DBT: variants seen among roughly 807,000 people sequenced by gnomAD.
The protein encoded by DBT is dihydrolipoamide branched chain transacylase E2, also known as lipoamide acyltransferase component of branched-chain alpha-keto acid dehydrogenase complex, mitochondrial.
DBT carries 40 observed loss-of-function variants against 51.3 expected under a neutral mutation model. The ratio of observed to expected loss-of-function variants is 0.78; its 90% confidence interval spans 0.61 to 1.02. DBT has a LOEUF of 1.02. Ranked by LOEUF, DBT falls within the 50% of genes least tolerant of loss-of-function variation. The probability of loss-of-function intolerance (pLI) is 0.00; values close to 1 mark genes in which losing one functional copy is unlikely to be tolerated. For synonymous variants in DBT, 181 were observed against 190.4 expected (o/e 0.95, Z 0.41); for missense variants, 510 against 580.2 (o/e 0.88, Z 1.24).
At chr1:100,241,886 T>A (rs555965737) in intron 1 of DBT, among the ~76,000 whole-genome samples, 4 of 152,020 alleles carry the variant, frequency 2.6e-5, no homozygotes, top group Non-Finnish European at 5.9e-5. Context: ...CTGGGCTTGG[T>A]GGCATGCGCC....
intron 10 of DBT, among the ~76,000 whole-genome samples, chr1:100,202,366 TA>T (rs1481877949): frequency 4.6e-5 from 7 of 152,240 alleles, no homozygotes; most frequent in Non-Finnish European, 1.0e-4. Context: ...CTAACTATCC[TA>T]AATATATATG....
chr1:100,245,985 C>T (rs893244800), intron 1 of DBT, among the ~76,000 whole-genome samples: 2 of 151,762 alleles, frequency 1.3e-5, no homozygotes, highest in Non-Finnish European at 2.9e-5. Context: ...AAAATTAGGC[C>T]AGGTGCAGTG....
In DBT at chr1:100,210,763, G is replaced by A; in HGVS notation, c.948C>T (p.Ser316=). The part of the protein sequence containing the change: ...SFMPFFLKAA[S]LGLLQFPILN... ...GGATAGGAAACTGTAGTAATCCCAA[G>A]GAAGCAGCCTGTTTAACAGAAAAAG... is the stretch of plus-strand genomic sequence containing the variant. The change falls in exon 8 of 11, where the codon TCC becomes TCT. Residue 316 remains serine, a synonymous_variant. Coordinates refer to ENST00000370132, the MANE Select transcript of DBT (RefSeq NM_001918.5). The A allele has an allele frequency of 6.2e-7, 1 of 1,613,620 alleles. No individual in the cohort carries two copies. The highest frequency in any genetic ancestry group is 1.3e-5 in the African/African-American group (1 of 75,002).
intron 4 of DBT, among the ~76,000 whole-genome samples, chr1:100,227,021 C>T (rs1663257925): frequency 6.6e-6 from 1 of 152,194 alleles, no homozygotes. Context: ...ATGGTATAGC[C>T]TACTACGCAC....
chr1:100,194,157 C>T lies in DBT; in HGVS notation c.*2098G>A, dbSNP rs915307268. 1 of 151,780 alleles carries T rather than the reference C, an allele frequency of 6.6e-6. No homozygotes were observed. Among genetic ancestry groups the T allele is most frequent in the African/African-American group, 2.4e-5 (1 of 41,338 alleles). The allele number at this position is 151,780 out of a possible 1,614,324, so 9.4% of individuals were successfully genotyped here. On this transcript the variant is annotated 3_prime_UTR_variant, in exon 11 of 11. Coordinates refer to ENST00000370132, the MANE Select transcript of DBT (RefSeq NM_001918.5). ...TTTACAACAACAGCATTTATTTGAC[C>T]TGTTTTTTTTATTTTATTTTATTTT...
intron 4 of DBT, among the ~76,000 whole-genome samples, chr1:100,222,081 C>G (rs1340283574): frequency 6.6e-6 from 1 of 152,128 alleles, no homozygotes; most frequent in Non-Finnish European, 1.5e-5. Context: ...ATTGCATTTT[C>G]TTTTTCACTT....
chr1:100,244,063 CAAAAAA>C (rs1162401280), intron 1 of DBT, among the ~76,000 whole-genome samples: 1 of 79,040 alleles, frequency 1.3e-5, no homozygotes, highest in East Asian at 3.4e-4. Context: ...AATTCTATCT[CAAAAAA>C]AAAAAAAAAA....
rs577163318 is a variant in DBT at position 100,219,656 on chromosome 1, G to A, written c.434-909C>T. On this transcript the variant is annotated intron_variant, in intron 4 of 10. Coordinates refer to ENST00000370132, the MANE Select transcript of DBT (RefSeq NM_001918.5). ...CAAGCTACACAGGAAGCTGAGGCGG[G>A]GAGAATCACTTAAACCCAGGAAGTC... is the stretch of plus-strand genomic sequence containing the variant. Among the ~76,000 whole-genome samples the A allele has an allele frequency of 2.9e-3, 436 of 152,114 alleles. 3 individuals carry two copies. The highest frequency in any genetic ancestry group is 0.01 in the African/African-American group (420 of 41,494).
At chr1:100,229,453 A>G (rs1315206487) in intron 4 of DBT, among the ~76,000 whole-genome samples, 1 of 152,208 alleles carries the variant, frequency 6.6e-6, no homozygotes, top group Non-Finnish European at 1.5e-5. Flanking sequence ...GGCGTGAGCC[A>G]CTGCGCCCAG....
At chr1:100,224,231 G>A (rs1663032429) in intron 4 of DBT, among the ~76,000 whole-genome samples, 1 of 152,052 alleles carries the variant, frequency 6.6e-6, no homozygotes, top group African/African-American at 2.4e-5. Context: ...TATACTTCTA[G>A]AAGACTTTGT....
chr1:100,215,117 A>T, intron 6 of DBT, 134 bp from the exon 7 acceptor site: 2 of 672,784 alleles, frequency 3.0e-6, no homozygotes, highest in Non-Finnish European at 5.1e-6. Flanking sequence ...TCCTCTTACT[A>T]CTCTCTTCAT....
intron 10 of DBT, among the ~76,000 whole-genome samples, chr1:100,203,763 C>T (rs1007376380): frequency 1.5e-4 from 23 of 152,130 alleles, no homozygotes; most frequent in African/African-American, 5.1e-4. Context: ...ACAATCAAGT[C>T]GGCTTCATCC....
intron 8 of DBT, among the ~76,000 whole-genome samples, chr1:100,209,098 CTTT>C (rs10707303): frequency 5.2e-5 from 7 of 134,390 alleles, no homozygotes; most frequent in Non-Finnish European, 1.6e-5. Flanking sequence ...CTTTTCTTTT[CTTT>C]TTTTTTTTTT....
chr1:100,209,786 T>C (rs1275965903), intron 8 of DBT, among the ~76,000 whole-genome samples: 43 of 151,966 alleles, frequency 2.8e-4, no homozygotes, highest in Admixed American at 2.8e-3. Context: ...GGTCTCAAAC[T>C]CCTGACCTCA....
At chr1:100,243,375 C>G (rs1664342572) in intron 1 of DBT, among the ~76,000 whole-genome samples, 1 of 150,550 alleles carries the variant, frequency 6.6e-6, no homozygotes, top group Non-Finnish European at 1.5e-5. Flanking sequence ...AGTGCAGTGG[C>G]ACGATCTCAG....
rs1383889929 is a variant in DBT at position 100,194,671 on chromosome 1, A to C, written c.*1584T>G. The C allele has an allele frequency of 6.6e-6, 1 of 152,116 alleles. No homozygotes were observed. The highest frequency in any genetic ancestry group is 1.5e-5 in the Non-Finnish European group (1 of 68,102). 9.4% of individuals were successfully genotyped at this position (152,116 alleles called of 1,614,324 possible). Reference sequence around the variant, plus strand: ...TAAAAATAATGTTTTTTGAGATGGGATCTCACTATGTTGCCCAGGCTGGTC... The same window carrying C: ...TAAAAATAATGTTTTTTGAGATGGGCTCTCACTATGTTGCCCAGGCTGGTC... On this transcript the variant is annotated 3_prime_UTR_variant, in exon 11 of 11. Coordinates refer to ENST00000370132, the MANE Select transcript of DBT (RefSeq NM_001918.5).
At chr1:100,213,819 A>G (rs1209324399) in intron 7 of DBT, 3 of 1,417,374 alleles carry the variant, frequency 2.1e-6, no homozygotes, top group Admixed American at 3.0e-5. Flanking sequence ...GGTTTCCCGG[A>G]GCGTGGAGAG....
chr1:100,217,207 G>A (rs1662546529), intron 5 of DBT, among the ~76,000 whole-genome samples: 1 of 152,054 alleles, frequency 6.6e-6, no homozygotes, highest in Non-Finnish European at 1.5e-5. Context: ...CATCTTTAGG[G>A]AGTGTTTTAG....
intron 3 of DBT, among the ~76,000 whole-genome samples, chr1:100,231,989 A>G (rs1663577700): frequency 6.6e-6 from 1 of 152,204 alleles, no homozygotes; most frequent in South Asian, 2.1e-4. Context: ...GGCACTACAG[A>G]TGGTCTCTGA....
Sources: gnomAD v4.1 joint callset for allele counts (sites outside exome capture counted in the v4.1 genomes callset) on GRCh38, gnomAD v4.1.1 for gene constraint, MANE v1.5 for transcripts, NCBI Gene and HGNC (gene_info 2026-07-23, HGNC 2026-07-21) for gene names.